ERBB4: variants seen among roughly 807,000 people sequenced by gnomAD.
ERBB4 encodes receptor tyrosine-protein kinase erbB-4.
ERBB4 carries 42 observed loss-of-function variants against 158.0 expected under a neutral mutation model. The observed-to-expected ratio is 0.27, with a 90% CI of 0.21 to 0.34. ERBB4 has a LOEUF of 0.34. ERBB4 is among the 10% of genes least tolerant of loss of function. The pLI, the probability that ERBB4 is intolerant of heterozygous loss-of-function variation, is 1.00. For synonymous variants in ERBB4, 583 were observed against 558.7 expected (o/e 1.04, Z -0.61); for missense variants, 1,333 against 1,624.1 (o/e 0.82, Z 3.08).
chr2:211,669,454 A>G (rs1173470422), intron 14 of ERBB4, among the ~76,000 whole-genome samples: 1 of 151,978 alleles, frequency 6.6e-6, no homozygotes, highest in East Asian at 1.9e-4. Flanking sequence ...CTCTAGCCTA[A>G]GTTTTGGTCT....
chr2:212,239,585 A>ACTGCTACTTATTACTCTCAAG (rs1330048229), intron 1 of ERBB4, among the ~76,000 whole-genome samples: 2 of 152,166 alleles, frequency 1.3e-5, no homozygotes, highest in African/African-American at 2.4e-5. Context: ...TTCCAGTCCC[A>ACTGCTACTTATTACTCTCAAG]CTGCTACTTA....
chr2:212,154,560 T>C lies in ERBB4; in HGVS notation c.83-29657A>G, dbSNP rs552572641. Among the ~76,000 whole-genome samples the C allele has an allele frequency of 1.8e-4, 27 of 152,290 alleles. No individual in the cohort carries two copies. In the East Asian group the frequency reaches 3.1e-3, roughly 17 times the overall value. ...ACAAAGACATGTCTAGGCTAGTTAC[T>C]GTTGAGTGGCACTTAGTGTGGATTT... On this transcript the variant is annotated intron_variant, in intron 1 of 27. Coordinates refer to ENST00000342788, the MANE Select transcript of ERBB4 (RefSeq NM_005235.3).
At chr2:211,858,770 T>C (rs796215076) in intron 3 of ERBB4, among the ~76,000 whole-genome samples, 1 of 152,094 alleles carries the variant, frequency 6.6e-6, no homozygotes, top group African/African-American at 2.4e-5. Flanking sequence ...CAAAAGGCAA[T>C]GTATCTTTTA....
intron 3 of ERBB4, among the ~76,000 whole-genome samples, chr2:211,913,463 T>G (rs1289986558): frequency 1.3e-5 from 2 of 151,794 alleles, no homozygotes; most frequent in African/African-American, 4.8e-5. Context: ...TAGCCAGGTG[T>G]GATGGTGCGT....
chr2:212,505,435 A>G (rs1691138598), intron 1 of ERBB4, among the ~76,000 whole-genome samples: 1 of 124,178 alleles, frequency 8.1e-6, no homozygotes. Flanking sequence ...TTAAACATCA[A>G]GTGAGGACAC....
chr2:211,980,144 A>C (rs1198987381), intron 2 of ERBB4, among the ~76,000 whole-genome samples: 2 of 152,194 alleles, frequency 1.3e-5, no homozygotes, highest in African/African-American at 4.8e-5. Flanking sequence ...TCTTGAATAA[A>C]AATAGAATTG....
At chr2:211,447,291 C>T (rs1048519877) in intron 20 of ERBB4, among the ~76,000 whole-genome samples, 2 of 151,980 alleles carry the variant, frequency 1.3e-5, no homozygotes, top group Admixed American at 6.6e-5. Context: ...ACTGTATTAA[C>T]ATTTTTTACC....
chr2:212,217,280 A>G (rs1335954357), intron 1 of ERBB4, among the ~76,000 whole-genome samples: 5 of 151,296 alleles, frequency 3.3e-5, no homozygotes, highest in Non-Finnish European at 7.4e-5. Context: ...AGCCAAAACC[A>G]AAATTTGTCT....
intron 1 of ERBB4, among the ~76,000 whole-genome samples, chr2:212,206,647 T>TGCTATCTC (rs988426954): frequency 6.8e-6 from 1 of 146,412 alleles, no homozygotes; most frequent in Non-Finnish European, 1.5e-5. Context: ...ACTGCAGTGG[T>TGCTATCTC]GCTATCTCGG....
At chr2:211,689,455 C>T (rs1433494456) in intron 12 of ERBB4, among the ~76,000 whole-genome samples, 1 of 152,096 alleles carries the variant, frequency 6.6e-6, no homozygotes, top group Admixed American at 6.6e-5. Flanking sequence ...ATCTCTGTCT[C>T]CCAAAGTGCT....
intron 1 of ERBB4, among the ~76,000 whole-genome samples, chr2:212,481,755 C>G (rs996032012): frequency 6.6e-6 from 1 of 152,128 alleles, no homozygotes; most frequent in Admixed American, 6.6e-5. Flanking sequence ...AGCAATGTTT[C>G]TCAAAGATGA....
chr2:212,333,548 C>A (rs903436326), intron 1 of ERBB4, among the ~76,000 whole-genome samples: 2 of 140,498 alleles, frequency 1.4e-5, no homozygotes, highest in African/African-American at 5.2e-5. Flanking sequence ...AAAAATTAAC[C>A]AGACATGGTG....
chr2:212,332,382 G>T (rs902632948), intron 1 of ERBB4, among the ~76,000 whole-genome samples: 2 of 152,150 alleles, frequency 1.3e-5, no homozygotes, highest in East Asian at 1.9e-4. Flanking sequence ...AACTTGTCCA[G>T]TCTTGGGTAT....
intron 3 of ERBB4, among the ~76,000 whole-genome samples, chr2:211,886,287 C>T (rs950740814): frequency 1.3e-5 from 2 of 152,168 alleles, no homozygotes; most frequent in South Asian, 4.1e-4. Flanking sequence ...CCCCTGTTGA[C>T]ATTTTTCATA....
At chr2:211,578,739 C>T (rs2125762837) in intron 19 of ERBB4, among the ~76,000 whole-genome samples, 1 of 152,270 alleles carries the variant, frequency 6.6e-6, no homozygotes, top group South Asian at 2.1e-4. Flanking sequence ...GCTGGGAGAA[C>T]TGGCTAGCCA....
chr2:211,836,000 G>A (rs2077332851), intron 3 of ERBB4, among the ~76,000 whole-genome samples: 2 of 151,984 alleles, frequency 1.3e-5, no homozygotes, highest in Admixed American at 1.3e-4. Flanking sequence ...TAACAGTATT[G>A]CCTATGTTTA....
intron 1 of ERBB4, among the ~76,000 whole-genome samples, chr2:212,490,558 G>T (rs575004483): frequency 2.0e-5 from 3 of 151,828 alleles, no homozygotes; most frequent in African/African-American, 7.2e-5. Flanking sequence ...GTTTGAGAAA[G>T]TGTTTTGAAT....
intron 6 of ERBB4, among the ~76,000 whole-genome samples, chr2:211,723,226 A>G (rs1471415142): frequency 6.6e-6 from 1 of 152,184 alleles, no homozygotes; most frequent in African/African-American, 2.4e-5. Flanking sequence ...TCATAACTCA[A>G]TTTATTAATA....
At chr2:212,200,797 T>G (rs1280775817) in intron 1 of ERBB4, among the ~76,000 whole-genome samples, 2 of 152,198 alleles carry the variant, frequency 1.3e-5, no homozygotes, top group Non-Finnish European at 2.9e-5. Flanking sequence ...GGAAATATTT[T>G]CACTTAAGAC....
Sources: gnomAD v4.1 joint callset for allele counts (sites outside exome capture counted in the v4.1 genomes callset) on GRCh38, gnomAD v4.1.1 for gene constraint, MANE v1.5 for transcripts, NCBI Gene and HGNC (gene_info 2026-07-23, HGNC 2026-07-21) for gene names.